The following DOCK11 variants were observed in gnomAD, a reference collection of about 807,000 sequenced individuals.
The protein encoded by DOCK11 is dedicator of cytokinesis 11, also known as dedicator of cytokinesis protein 11.
In DOCK11, 70 loss-of-function variants were observed where a neutral mutation model predicts 169.1. The observed-to-expected ratio is 0.41, with a 90% CI of 0.34 to 0.51. The LOEUF (loss-of-function observed/expected upper bound fraction) is 0.51. Ranked by LOEUF, DOCK11 falls within the 20% of genes least tolerant of loss-of-function variation. The probability of loss-of-function intolerance (pLI) is 0.10; values close to 1 mark genes in which losing one functional copy is unlikely to be tolerated. For synonymous variants in DOCK11, 529 were observed against 541.3 expected, an observed-to-expected ratio of 0.98 and a Z score of 0.32; for missense variants, 1,166 against 1,538.8, an observed-to-expected ratio of 0.76 and a Z score of 4.05.
intron 45 of DOCK11, among the ~76,000 whole-genome samples, chrX:118,664,934 GAC>G (rs1334117101): frequency 8.9e-6 from 1 of 111,918 alleles, no homozygotes; most frequent in African/African-American, 3.2e-5. Context: ...AAATTACAGT[GAC>G]ACACTTCATA....
chrX:118,685,471 A>G (rs968977159), intron 52 of DOCK11: 3 of 338,791 alleles, frequency 8.9e-6, no homozygotes, highest in Non-Finnish European at 1.5e-5. Flanking sequence ...TTTCTTAATG[A>G]GTAACTAGAT....
intron 48 of DOCK11, among the ~76,000 whole-genome samples, chrX:118,678,789 G>A (rs1040823848): frequency 1.2e-4 from 13 of 105,559 alleles, no homozygotes; most frequent in African/African-American, 4.5e-4. Context: ...AATTTTTTTC[G>A]AGACAGGGTC....
At chrX:118,603,128 G>T (rs1347008528) in intron 23 of DOCK11, among the ~76,000 whole-genome samples, 1 of 112,108 alleles carries the variant, frequency 8.9e-6, no homozygotes, top group Non-Finnish European at 1.9e-5. Flanking sequence ...ACCTTAGGGG[G>T]TAAAGTCGTG....
intron 1 of DOCK11, among the ~76,000 whole-genome samples, chrX:118,504,113 G>T (rs1230622423): frequency 9.0e-6 from 1 of 111,009 alleles, no homozygotes; most frequent in African/African-American, 3.3e-5. Flanking sequence ...GTGGTCATTG[G>T]TTTCCCAGTC....
rs1203413908 is a variant in DOCK11, at chrX:118,504,115, T to C, written c.102+8042T>C. ...AGATAGGAGTCCAGTGGTCATTGGT[T>C]TCCCAGTCTTCACCCCATCTCCGAC... is the stretch of plus-strand genomic sequence containing the variant. On this transcript the variant is annotated intron_variant, in intron 1 of 52. Coordinates refer to ENST00000276202, the MANE Select transcript of DOCK11 (RefSeq NM_144658.4). Among the ~76,000 whole-genome samples the C allele has an allele frequency of 2.7e-5, 3 of 111,127 alleles. No individual in the cohort carries two copies. In the South Asian group the frequency reaches 1.2e-3, roughly 43 times the overall value.
intron 40 of DOCK11, among the ~76,000 whole-genome samples, chrX:118,644,502 A>G (rs2015607490): frequency 8.9e-6 from 1 of 112,038 alleles, no homozygotes; most frequent in Admixed American, 9.5e-5. Flanking sequence ...GAGATTCAGA[A>G]CTAATTCATT....
chrX:118,644,922 G>T (rs1471675638), intron 40 of DOCK11, among the ~76,000 whole-genome samples: 2 of 111,794 alleles, frequency 1.8e-5, no homozygotes, highest in Non-Finnish European at 3.8e-5. Context: ...AAGGATTGGT[G>T]ACAATGTCAA....
intron 31 of DOCK11, among the ~76,000 whole-genome samples, chrX:118,620,062 C>T (rs1164606245): frequency 2.7e-5 from 3 of 110,642 alleles, no homozygotes; most frequent in South Asian, 3.8e-4. Flanking sequence ...ATGATCCGCC[C>T]CCCTCAGTCT....
At chrX:118,592,023 A>G (rs1475649879) in intron 19 of DOCK11, among the ~76,000 whole-genome samples, 2 of 107,040 alleles carry the variant, frequency 1.9e-5, no homozygotes, top group Non-Finnish European at 3.9e-5. Context: ...TTCTTAATCC[A>G]GTCTATCATT....
chrX:118,527,573 AAG>A (rs1309719546), intron 1 of DOCK11, among the ~76,000 whole-genome samples: 1 of 112,410 alleles, frequency 8.9e-6, no homozygotes, highest in Admixed American at 9.4e-5. Flanking sequence ...AAAAAATGAA[AAG>A]AGATGGAGAA....
At position 118,523,065 on chromosome X, in the gene DOCK11, G is replaced by A. The variant is rs12833031; in HGVS notation, c.103-19660G>A. 9.9e-3 allele frequency among the ~76,000 whole-genome samples: 1,113 copies of A among 112,692 alleles called. 15 individuals carry two copies. Among genetic ancestry groups the A allele is most frequent in the African/African-American group, 0.034 (1,054 of 31,023 alleles). Reference sequence around the variant, plus strand: ...GCTAAAATTAAATGAGGTAACGCATGTAATGCATTTCGCATAGTACCTGGT... The same window carrying A: ...GCTAAAATTAAATGAGGTAACGCATATAATGCATTTCGCATAGTACCTGGT... On this transcript the variant is annotated intron_variant, in intron 1 of 52. Transcript: ENST00000276202.
chrX:118,514,240 C>G (rs1380233840), intron 1 of DOCK11, among the ~76,000 whole-genome samples: 1 of 109,937 alleles, frequency 9.1e-6, no homozygotes, highest in Non-Finnish European at 1.9e-5. Context: ...AGGCCCCCCC[C>G]ATCAATGCTG....
chrX:118,622,049 T>G (rs1227967646), intron 31 of DOCK11, among the ~76,000 whole-genome samples: 1 of 112,068 alleles, frequency 8.9e-6, no homozygotes, highest in African/African-American at 3.2e-5. Flanking sequence ...ACAAGTAATG[T>G]TCATACCTAA....
At chrX:118,615,439 T>C (rs1603120493) in intron 29 of DOCK11, among the ~76,000 whole-genome samples, 161 bp from the exon 30 acceptor site, 1 of 112,435 alleles carries the variant, frequency 8.9e-6, no homozygotes, top group East Asian at 2.8e-4. Context: ...AGGATAGCAG[T>C]CTTGGACCTG....
At chrX:118,578,138 C>A (rs1335111464) in intron 12 of DOCK11, among the ~76,000 whole-genome samples, 4 of 111,906 alleles carry the variant, frequency 3.6e-5, no homozygotes, top group Non-Finnish European at 7.5e-5. Flanking sequence ...AGTAAAGTTT[C>A]TTTTTCCTTC....
At chrX:118,657,835 G>A (rs968059884) in intron 44 of DOCK11, among the ~76,000 whole-genome samples, 1 of 110,542 alleles carries the variant, frequency 9.0e-6, no homozygotes, top group Admixed American at 9.7e-5. Context: ...GGGACTGGGG[G>A]TGGGGGCCAG....
intron 1 of DOCK11, among the ~76,000 whole-genome samples, chrX:118,532,127 A>T (rs1354577316): frequency 1.8e-5 from 2 of 108,984 alleles, no homozygotes; most frequent in African/African-American, 3.3e-5. Context: ...AAAAAAAAAA[A>T]GCTGAACACC....
chrX:118,587,810 C>T (rs992546952), intron 16 of DOCK11, among the ~76,000 whole-genome samples: 2 of 111,786 alleles, frequency 1.8e-5, no homozygotes, highest in African/African-American at 6.5e-5. Flanking sequence ...ATTGCTGCCA[C>T]AGGAGGGAAA....
intron 1 of DOCK11, among the ~76,000 whole-genome samples, chrX:118,506,265 A>C (rs190132119): frequency 3.6e-5 from 4 of 110,811 alleles, no homozygotes; most frequent in African/African-American, 6.6e-5. Context: ...AAAAAAAAAA[A>C]AAACAACAAA....
Sources: allele counts gnomAD v4.1 joint callset (sites outside exome capture counted in the v4.1 genomes callset), GRCh38; gene constraint gnomAD v4.1.1; transcripts MANE v1.5; gene names NCBI Gene and HGNC (gene_info 2026-07-23, HGNC 2026-07-21).